Variants in ANXA10 observed in about 807,000 individuals in gnomAD.
The protein encoded by ANXA10 is annexin A10.
ANXA10 carries 49 observed loss-of-function variants against 53.5 expected under a neutral mutation model. The ratio of observed to expected loss-of-function variants is 0.92; its 90% confidence interval spans 0.73 to 1.16. ANXA10 has a LOEUF of 1.16. Ranked by LOEUF, ANXA10 falls within the 50% of genes most tolerant of loss-of-function variation. The probability of loss-of-function intolerance (pLI) is 0.00; values close to 1 mark genes in which losing one functional copy is unlikely to be tolerated. For synonymous variants in ANXA10, 131 were observed against 128.9 expected (o/e 1.02, Z -0.11); for missense variants, 393 against 394.4 (o/e 1.00, Z 0.03).
chr4:168,111,252 A>G (rs1324885481), intron 1 of ANXA10, among the ~76,000 whole-genome samples: 1 of 152,200 alleles, frequency 6.6e-6, no homozygotes, highest in African/African-American at 2.4e-5. Flanking sequence ...TCAGGAGTGC[A>G]TGCATTCCTT....
chr4:168,096,261 G>T (rs1472341402), intron 1 of ANXA10, among the ~76,000 whole-genome samples: 1 of 152,114 alleles, frequency 6.6e-6, no homozygotes, highest in Non-Finnish European at 1.5e-5. Flanking sequence ...GACTTTGATT[G>T]TTTATCTGCA....
At chr4:168,097,230 TAG>T (rs563967549) in intron 1 of ANXA10, among the ~76,000 whole-genome samples, 333 of 152,128 alleles carry the variant, frequency 2.2e-3, no homozygotes, top group African/African-American at 7.6e-3. Flanking sequence ...ATCCATTCAT[TAG>T]GTTTCTTTCT....
At chr4:168,128,692 T>C (rs1579213145) in intron 2 of ANXA10, among the ~76,000 whole-genome samples, 1 of 152,206 alleles carries the variant, frequency 6.6e-6, no homozygotes, top group East Asian at 1.9e-4. Context: ...AGATGAGCCT[T>C]CCTCTCTGAA....
At chr4:168,102,394 G>A (rs1397895654) in intron 1 of ANXA10, among the ~76,000 whole-genome samples, 1 of 152,074 alleles carries the variant, frequency 6.6e-6, no homozygotes, top group African/African-American at 2.4e-5. Flanking sequence ...CTGCCTGCCT[G>A]TAGTCAGCTA....
chr4:168,101,008 T>TCA (rs1730629625), intron 1 of ANXA10, among the ~76,000 whole-genome samples: 1 of 152,010 alleles, frequency 6.6e-6, no homozygotes, highest in African/African-American at 2.4e-5. Context: ...TGGATCTGTG[T>TCA]CCCCACCAAA....
At chr4:168,129,863 C>A (rs537991842) in intron 2 of ANXA10, among the ~76,000 whole-genome samples, 1 of 152,272 alleles carries the variant, frequency 6.6e-6, no homozygotes, top group African/African-American at 2.4e-5. Flanking sequence ...CTTGAAGATA[C>A]TTTCCTGCCC....
intron 6 of ANXA10, 62 bp downstream of exon 6, chr4:168,165,388 C>T (rs1176523796): frequency 1.5e-5 from 7 of 477,974 alleles, no homozygotes; most frequent in South Asian, 7.1e-5. Flanking sequence ...TATGTCATTG[C>T]CAAAAAAAAA....
chr4:168,187,261 G>A, intron 11 of ANXA10, 105 bp from the exon 12 acceptor site: 1 of 603,766 alleles, frequency 1.7e-6, no homozygotes, highest in Non-Finnish European at 2.7e-6. Context: ...GTTTAGAAAG[G>A]CTAATGGTCC....
At chr4:168,181,846 T>A (rs1487443206) in intron 10 of ANXA10, 105 bp downstream of exon 10, 24 of 858,046 alleles carry the variant, frequency 2.8e-5, no homozygotes, top group Non-Finnish European at 4.1e-5. Context: ...ATTTTTGAAC[T>A]TGTATGTACA....
At position 168,095,541 on chromosome 4, in the gene ANXA10, T is replaced by C. The variant is rs76263031; in HGVS notation, c.18+2823T>C. The stretch of plus-strand genomic sequence containing the variant: ...TTATTATAATAATTTACTGTCTATA[T>C]ACATCATCCATACCTTGTTTAATTT... On this transcript the variant is annotated intron_variant, in intron 1 of 11. Transcript: ENST00000359299. Among the ~76,000 whole-genome samples, 779 of 152,206 alleles carry C rather than the reference T, an allele frequency of 5.1e-3. 4 individuals carry two copies. The highest frequency in any genetic ancestry group is 0.018 in the African/African-American group (742 of 41,540).
intron 6 of ANXA10, among the ~76,000 whole-genome samples, chr4:168,171,697 C>T (rs892496501): frequency 1.3e-5 from 2 of 152,188 alleles, no homozygotes; most frequent in African/African-American, 2.4e-5. Context: ...AGCTGGAACA[C>T]ATTCTTCTTG....
At chr4:168,154,713 T>G (rs1385252775) in intron 3 of ANXA10, among the ~76,000 whole-genome samples, 4 of 152,210 alleles carry the variant, frequency 2.6e-5, no homozygotes, top group African/African-American at 9.6e-5. Flanking sequence ...CTATTTGCTA[T>G]GTTCATCACT....
intron 4 of ANXA10, among the ~76,000 whole-genome samples, chr4:168,163,979 A>G (rs1731829619): frequency 6.6e-6 from 1 of 152,172 alleles, no homozygotes; most frequent in South Asian, 2.1e-4. Context: ...TTCTAAATGA[A>G]GAAACAGTTT....
In ANXA10 at chr4:168,128,080, C is replaced by T; in HGVS notation, c.19-4C>T. 6.2e-7 allele frequency: 1 copy of T among 1,610,848 alleles called. No individual in the cohort carries two copies. Among genetic ancestry groups the T allele is most frequent in the Non-Finnish European group, 8.5e-7 (1 of 1,177,504 alleles). On this transcript the variant is annotated splice_polypyrimidine_tract_variant and splice_region_variant and intron_variant, in intron 1 of 11. Coordinates refer to ENST00000359299, the MANE Select transcript of ANXA10 (RefSeq NM_007193.5). ...AATCACTTTCTCATTGATTTTCCCA[C>T]CAGGTGCAAGGAACCATCTTCCCAG...
chr4:168,140,530 T>G (rs184788655), intron 3 of ANXA10, among the ~76,000 whole-genome samples: 1 of 152,370 alleles, frequency 6.6e-6, no homozygotes, highest in African/African-American at 2.4e-5. Flanking sequence ...AGTACTAGTT[T>G]TCTTTTGAAA....
intron 10 of ANXA10, among the ~76,000 whole-genome samples, chr4:168,183,009 G>GAAAAAAAAA (rs747151480): frequency 3.2e-5 from 3 of 93,382 alleles, no homozygotes; most frequent in Non-Finnish European, 4.4e-5. Flanking sequence ...CACCGTCTCG[G>GAAAAAAAAA]AAAAAAAAAA....
At chr4:168,138,574 A>G (rs1056173541) in intron 2 of ANXA10, among the ~76,000 whole-genome samples, 1 of 152,156 alleles carries the variant, frequency 6.6e-6, no homozygotes, top group African/African-American at 2.4e-5. Flanking sequence ...TTGGCTATTC[A>G]GGCCCTTTTT....
At position 168,177,972 on chromosome 4, in the gene ANXA10, A is replaced by C; in HGVS notation, c.617A>C (p.Gln206Pro). 6.2e-7 allele frequency: 1 copy of C among 1,613,522 alleles called. No individual in the cohort carries two copies. Among genetic ancestry groups the C allele is most frequent in the East Asian group, 2.2e-5 (1 of 44,880 alleles). ...ATCCTGTGCAACAAGAGCTACCAGC[A>C]GCTGCGGCTGGGTAATTATTAACTG... is the stretch of plus-strand genomic sequence containing the variant. ...QMILCNKSYQ[Q>P]LRLVFQEFQN... Residue 206 changes from glutamine to proline, a missense_variant, in exon 8 of 12, where the codon CAG becomes CCG. Physicochemically the swap from Gln to Pro is moderately conservative, Grantham distance 76. Transcript: ENST00000359299.
At position 168,114,853 on chromosome 4, in the gene ANXA10, C is replaced by T. The variant is rs182937878; in HGVS notation, c.19-13231C>T. 2.6e-3 allele frequency among the ~76,000 whole-genome samples: 403 copies of T among 152,166 alleles called. 4 individuals are homozygous for T. Among genetic ancestry groups the T allele is most frequent in the African/African-American group, 8.8e-3 (364 of 41,538 alleles). Reference sequence around the variant, plus strand: ...ATTTTTATGGCTGCATAGTATTCCACGGTGTGTATGTACCACATTTTCTAT... The same window carrying T: ...ATTTTTATGGCTGCATAGTATTCCATGGTGTGTATGTACCACATTTTCTAT... On this transcript the variant is annotated intron_variant, in intron 1 of 11. Coordinates refer to ENST00000359299, the MANE Select transcript of ANXA10 (RefSeq NM_007193.5).
Sources: gnomAD v4.1 joint callset for allele counts (sites outside exome capture counted in the v4.1 genomes callset) on GRCh38, gnomAD v4.1.1 for gene constraint, MANE v1.5 for transcripts, NCBI Gene and HGNC (gene_info 2026-07-23, HGNC 2026-07-21) for gene names.